KIF13B: variants seen among roughly 807,000 people sequenced by gnomAD.
KIF13B encodes kinesin-like protein KIF13B.
Under a neutral mutation model 222.0 loss-of-function variants are expected in KIF13B, and 127 were observed. The ratio of observed to expected loss-of-function variants is 0.57; its 90% CI spans 0.50 to 0.66. The LOEUF (loss-of-function observed/expected upper bound fraction) is 0.66, where lower values mean the gene tolerates loss of function less well. Ranked by LOEUF, KIF13B falls within the 30% of genes least tolerant of loss-of-function variation. The probability of loss-of-function intolerance (pLI) is 0.00; values close to 1 mark genes in which losing one functional copy is unlikely to be tolerated. For missense variants in KIF13B, 2,173 were observed against 2,379.0 expected (o/e 0.91, Z 1.80); for synonymous variants, 976 against 919.0 (o/e 1.06, Z -1.12).
chr8:29,147,914 T>C lies in KIF13B; in HGVS notation c.1814-312A>G, dbSNP rs147484796. Among the ~76,000 whole-genome samples, 1,425 of 152,314 alleles carry C rather than the reference T, an allele frequency of 9.4e-3. 10 individuals are homozygous for C. The highest frequency in any genetic ancestry group is 0.018 in the African/African-American group (731 of 41,566). On this transcript the variant is annotated intron_variant, in intron 16 of 39. Coordinates refer to ENST00000524189, the MANE Select transcript of KIF13B (RefSeq NM_015254.4). ...AGGCAAGTTTCTAAAGCAGAGAAATTTGACCGGGCACAGTGGCTCACACCT... is the reference window on the plus strand; with the variant it reads ...AGGCAAGTTTCTAAAGCAGAGAAATCTGACCGGGCACAGTGGCTCACACCT...
Position 29,073,060 on chromosome 8 carries a change from C to CAGGGGGACGAGG in KIF13B, c.4522-756_4522-745dup, listed in dbSNP as rs1427161514. ...TGGCTGGGCATCCCGAGCAAGGCAG[C>CAGGGGGACGAGG]AGGGGGACGAGGAGGGGTACGAGGA... On this transcript the variant is annotated intron_variant, in intron 38 of 39. Transcript: ENST00000524189. Among the ~76,000 whole-genome samples the CAGGGGGACGAGG allele has an allele frequency of 4.1e-4, 50 of 120,930 alleles. 1 individual carries two copies. The highest frequency in any genetic ancestry group is 5.5e-4 in the South Asian group (2 of 3,660). The allele number at this position is 120,930 out of a possible 152,430, so 79.3% of individuals were successfully genotyped here.
At chr8:29,148,823 C>A in intron 15 of KIF13B, 56 bp from the exon 16 acceptor site, 1 of 1,416,918 alleles carries the variant, frequency 7.1e-7, no homozygotes. Context: ...TTATTCATGT[C>A]ATTCATTAAG....
intron 36 of KIF13B, among the ~76,000 whole-genome samples, chr8:29,095,328 C>T (rs1808474470): frequency 6.6e-6 from 1 of 152,184 alleles, no homozygotes; most frequent in Non-Finnish European, 1.5e-5. Context: ...GATGAGGAAA[C>T]ATCTTTGAAG....
intron 8 of KIF13B, among the ~76,000 whole-genome samples, chr8:29,177,875 T>C (rs1477062333): frequency 1.3e-5 from 2 of 152,324 alleles, no homozygotes; most frequent in African/African-American, 2.4e-5. Flanking sequence ...CACCTCTGCA[T>C]TCCAACCTGA....
intron 6 of KIF13B, among the ~76,000 whole-genome samples, chr8:29,183,164 G>GTTTTTTTTTTTTTTTTTTTT (rs140190406): frequency 9.5e-6 from 1 of 104,836 alleles, no homozygotes; most frequent in Non-Finnish European, 1.9e-5. Flanking sequence ...AATCCTTAAA[G>GTTTTTTTTTTTTTTTTTTTT]TTTGTTTTTT....
intron 37 of KIF13B, among the ~76,000 whole-genome samples, chr8:29,082,998 G>A (rs2133510227): frequency 6.6e-6 from 1 of 152,150 alleles, no homozygotes; most frequent in South Asian, 2.1e-4. Context: ...CCATGGCGGT[G>A]TACACCTGTA....
At chr8:29,136,073 C>G (rs1484693640) in intron 21 of KIF13B, among the ~76,000 whole-genome samples, 1 of 152,224 alleles carries the variant, frequency 6.6e-6, no homozygotes, top group African/African-American at 2.4e-5. Context: ...TAGATAGCTA[C>G]TTCCTGACAG....
chr8:29,257,339 G>T (rs73224693), intron 1 of KIF13B, among the ~76,000 whole-genome samples: 41,604 of 147,284 alleles, frequency 0.28, 7,192 homozygotes, highest in East Asian at 0.64. Context: ...TCGAGTTTTT[G>T]TTTTTTTTTT....
At chr8:29,087,310 T>A (rs993149401) in intron 37 of KIF13B, among the ~76,000 whole-genome samples, 7 of 152,214 alleles carry the variant, frequency 4.6e-5, no homozygotes, top group Non-Finnish European at 8.8e-5. Flanking sequence ...GGCCTTATTA[T>A]GTTCAATATT....
intron 1 of KIF13B, among the ~76,000 whole-genome samples, chr8:29,257,780 C>A (rs993729143): frequency 6.6e-6 from 1 of 151,944 alleles, no homozygotes; most frequent in Non-Finnish European, 1.5e-5. Flanking sequence ...CCACTGCACT[C>A]CAGCCTGGGC....
At chr8:29,192,403 ATGT>A (rs1484802210) in intron 3 of KIF13B, among the ~76,000 whole-genome samples, 1 of 152,050 alleles carries the variant, frequency 6.6e-6, no homozygotes, top group Non-Finnish European at 1.5e-5. Context: ...GAAGTTATAT[ATGT>A]TGTTGTTGTG....
chr8:29,237,873 A>G (rs985675002), intron 2 of KIF13B, among the ~76,000 whole-genome samples: 2 of 152,240 alleles, frequency 1.3e-5, no homozygotes, highest in Non-Finnish European at 2.9e-5. Context: ...TGATCACAGT[A>G]TTCTTTTTAA....
intron 10 of KIF13B, among the ~76,000 whole-genome samples, chr8:29,174,370 A>G (rs918010797): frequency 6.6e-5 from 10 of 152,110 alleles, no homozygotes; most frequent in African/African-American, 1.7e-4. Flanking sequence ...AAAAACTACA[A>G]AACATTTTTG....
intron 2 of KIF13B, among the ~76,000 whole-genome samples, chr8:29,243,724 A>T (rs1056705468): frequency 6.6e-6 from 1 of 152,186 alleles, no homozygotes; most frequent in African/African-American, 2.4e-5. Context: ...TTGCCATGCT[A>T]GCAACGTTCT....
chr8:29,105,116 G>A (rs1240452715), intron 35 of KIF13B, among the ~76,000 whole-genome samples: 29 of 152,004 alleles, frequency 1.9e-4, no homozygotes. Context: ...ACAAGCATAA[G>A]CCATATTGCC....
intron 35 of KIF13B, among the ~76,000 whole-genome samples, chr8:29,102,669 C>T (rs1033237176): frequency 4.6e-5 from 7 of 152,160 alleles, no homozygotes; most frequent in African/African-American, 1.7e-4. Context: ...AGGTAAATAA[C>T]GAGAAGTGCC....
chr8:29,236,094 T>A (rs2130609608), intron 2 of KIF13B, among the ~76,000 whole-genome samples: 1 of 152,248 alleles, frequency 6.6e-6, no homozygotes, highest in South Asian at 2.1e-4. Flanking sequence ...GCAGACCACA[T>A]CTCAATCCTA....
chr8:29,134,898 C>T (rs894203729), intron 21 of KIF13B, among the ~76,000 whole-genome samples: 4 of 152,140 alleles, frequency 2.6e-5, no homozygotes, highest in African/African-American at 4.8e-5. Flanking sequence ...TCAAAGGAAG[C>T]GTGCTCCGGA....
chr8:29,101,316 T>C (rs570143310), intron 35 of KIF13B, among the ~76,000 whole-genome samples: 2 of 152,330 alleles, frequency 1.3e-5, no homozygotes, highest in South Asian at 2.1e-4. Flanking sequence ...ATGGCTGTTC[T>C]GAAGACAACT....
Sources: allele counts gnomAD v4.1 joint callset (sites outside exome capture counted in the v4.1 genomes callset), GRCh38; gene constraint gnomAD v4.1.1; transcripts MANE v1.5; gene names NCBI Gene and HGNC (gene_info 2026-07-23, HGNC 2026-07-21).